Variants in FSHR observed in about 807,000 individuals in gnomAD.
FSHR encodes the protein follicle-stimulating hormone receptor.
Under a neutral mutation model 52.1 loss-of-function variants are expected in FSHR, and 46 were observed. That is an observed-to-expected ratio of 0.88 (90% CI 0.70 to 1.13). The LOEUF (loss-of-function observed/expected upper bound fraction) is 1.13. FSHR is among the 50% of genes most tolerant of loss of function. The pLI is 0.00. For synonymous variants in FSHR, 399 were observed against 309.6 expected (o/e 1.29, Z -3.03); for missense variants, 964 against 834.6 (o/e 1.16, Z -1.91).
chr2:49,133,045 T>C (rs13387260), intron 1 of FSHR, among the ~76,000 whole-genome samples: 63,477 of 147,602 alleles, frequency 0.43, 13,976 homozygotes, highest in East Asian at 0.71. Flanking sequence ...TCTCCTCTCA[T>C]CTCAGAGCGG....
intron 1 of FSHR, among the ~76,000 whole-genome samples, chr2:49,149,818 AG>A (rs1435578858): frequency 6.6e-6 from 1 of 152,110 alleles, no homozygotes; most frequent in Non-Finnish European, 1.5e-5. Context: ...GATAATTAGA[AG>A]TAAATGCTAG....
intron 1 of FSHR, among the ~76,000 whole-genome samples, chr2:49,078,378 G>A (rs1461288490): frequency 6.6e-6 from 1 of 152,096 alleles, no homozygotes; most frequent in African/African-American, 2.4e-5. Context: ...CCAGGTCCCT[G>A]CCATACTAGC....
intron 4 of FSHR, among the ~76,000 whole-genome samples, chr2:49,007,840 A>G (rs1282843847): frequency 6.6e-6 from 1 of 152,040 alleles, no homozygotes; most frequent in East Asian, 1.9e-4. Flanking sequence ...TTAATCCTAC[A>G]CTGGTCTTAA....
At chr2:49,036,771 C>T (rs940708154) in intron 2 of FSHR, among the ~76,000 whole-genome samples, 5 of 152,236 alleles carry the variant, frequency 3.3e-5, no homozygotes, top group South Asian at 2.1e-4. Flanking sequence ...GGGTGATAAA[C>T]TATCACAAAG....
chr2:49,103,439 C>T (rs1425199260), intron 1 of FSHR, among the ~76,000 whole-genome samples: 1 of 152,092 alleles, frequency 6.6e-6, no homozygotes, highest in African/African-American at 2.4e-5. Flanking sequence ...CTACAGAGGC[C>T]TCCTCTGCTT....
chr2:49,078,827 C>T (rs1324586014), intron 1 of FSHR, among the ~76,000 whole-genome samples: 3 of 152,066 alleles, frequency 2.0e-5, no homozygotes, highest in Non-Finnish European at 4.4e-5. Flanking sequence ...GATGCTGTTA[C>T]CTCCTCTATT....
At chr2:48,989,393 C>T (rs1435830230) in intron 5 of FSHR, among the ~76,000 whole-genome samples, 1 of 151,606 alleles carries the variant, frequency 6.6e-6, no homozygotes, top group South Asian at 2.1e-4. Flanking sequence ...AGTGATCCTG[C>T]CACCTCAGCC....
At chr2:49,082,044 C>G (rs1461713142) in intron 1 of FSHR, among the ~76,000 whole-genome samples, 1 of 152,160 alleles carries the variant, frequency 6.6e-6, no homozygotes, top group Non-Finnish European at 1.5e-5. Context: ...CGAATAGGAA[C>G]AGCTCCAGTC....
intron 8 of FSHR, among the ~76,000 whole-genome samples, chr2:48,981,781 T>G (rs1188946193): frequency 6.6e-6 from 1 of 152,170 alleles, no homozygotes; most frequent in Non-Finnish European, 1.5e-5. Context: ...TATTAGCTAT[T>G]TGGTGTAGAC....
chr2:48,981,792 A>G (rs910904697), intron 8 of FSHR, among the ~76,000 whole-genome samples: 2 of 152,220 alleles, frequency 1.3e-5, no homozygotes, highest in East Asian at 3.8e-4. Context: ...TGGTGTAGAC[A>G]AAAGTGATGC....
At chr2:49,096,056 G>C (rs1164112877) in intron 1 of FSHR, among the ~76,000 whole-genome samples, 1 of 152,158 alleles carries the variant, frequency 6.6e-6, no homozygotes, top group East Asian at 1.9e-4. Context: ...CAAACACTTT[G>C]ATAGTTCCTC....
At chr2:48,967,521 G>A (rs1262228462) in intron 9 of FSHR, among the ~76,000 whole-genome samples, 1 of 152,196 alleles carries the variant, frequency 6.6e-6, no homozygotes, top group Non-Finnish European at 1.5e-5. Context: ...GCAAGCCACT[G>A]CTTCAGCCCA....
chr2:49,110,720 GC>G (rs1367419613), intron 1 of FSHR, among the ~76,000 whole-genome samples: 1 of 152,140 alleles, frequency 6.6e-6, no homozygotes, highest in Non-Finnish European at 1.5e-5. Flanking sequence ...TCAGCAAGCT[GC>G]AATTCCTCCC....
chr2:48,974,767 A>C (rs1234574425), intron 8 of FSHR, among the ~76,000 whole-genome samples: 1 of 152,212 alleles, frequency 6.6e-6, no homozygotes. Flanking sequence ...AGCCAGGGAC[A>C]AAGATGAGAT....
At chr2:49,082,384 C>T (rs1222888603) in intron 1 of FSHR, among the ~76,000 whole-genome samples, 18 of 152,034 alleles carry the variant, frequency 1.2e-4, no homozygotes, top group Admixed American at 1.2e-3. Context: ...GATAAAACCA[C>T]AAAGATGGGG....
chr2:48,989,961 C>A (rs1301425973), intron 5 of FSHR, among the ~76,000 whole-genome samples: 2 of 152,148 alleles, frequency 1.3e-5, no homozygotes, highest in Non-Finnish European at 2.9e-5. Flanking sequence ...ATATTTTCCT[C>A]TTTCTCTCCT....
chr2:49,062,599 C>T (rs563354815), intron 2 of FSHR, among the ~76,000 whole-genome samples: 19 of 151,890 alleles, frequency 1.3e-4, no homozygotes, highest in African/African-American at 4.6e-4. Flanking sequence ...ATCTGTAGAG[C>T]AAAGGAAACA....
At chr2:49,128,035 T>C (rs957746153) in intron 1 of FSHR, among the ~76,000 whole-genome samples, 2 of 150,622 alleles carry the variant, frequency 1.3e-5, no homozygotes, top group African/African-American at 2.4e-5. Context: ...TGGGATTACA[T>C]GATACCTGGC....
intron 1 of FSHR, among the ~76,000 whole-genome samples, chr2:49,124,079 C>T (rs1671913139): frequency 1.3e-5 from 2 of 151,604 alleles, no homozygotes; most frequent in East Asian, 1.9e-4. Context: ...CCACCTCCTG[C>T]ACCTCCCGGG....
Sources: allele counts gnomAD v4.1 joint callset (sites outside exome capture counted in the v4.1 genomes callset), GRCh38; gene constraint gnomAD v4.1.1; transcripts MANE v1.5; gene names NCBI Gene and HGNC (gene_info 2026-07-23, HGNC 2026-07-21).